LRP1B: variants seen among roughly 807,000 people sequenced by gnomAD.
The protein encoded by LRP1B is LDL receptor related protein 1B, also known as low-density lipoprotein receptor-related protein 1B.
Under a neutral mutation model 556.6 loss-of-function variants are expected in LRP1B, and 217 were observed. The ratio of observed to expected loss-of-function variants is 0.39; its 90% CI spans 0.35 to 0.44. The LOEUF (loss-of-function observed/expected upper bound fraction) is 0.44. Among genes scored for constraint, LRP1B ranks in the 20% least tolerant of loss-of-function variants. The pLI is 1.00. For synonymous variants in LRP1B, 2,047 were observed against 1,865.8 expected, an observed-to-expected ratio of 1.10 and a Z score of -2.50; for missense variants, 5,053 against 5,620.8, an observed-to-expected ratio of 0.90 and a Z score of 3.23.
At chr2:140,890,079 T>G (rs1445239377) in intron 23 of LRP1B, among the ~76,000 whole-genome samples, 1 of 130,424 alleles carries the variant, frequency 7.7e-6, no homozygotes, top group African/African-American at 2.8e-5. Context: ...AGCAGTTAAA[T>G]CTCAAAATCA....
intron 27 of LRP1B, among the ~76,000 whole-genome samples, chr2:140,862,763 G>A (rs1198060210): frequency 1.3e-5 from 2 of 152,138 alleles, no homozygotes. Context: ...GTGTGTTTCT[G>A]GAAGAGATGA....
At chr2:140,407,965 T>C (rs1308824904) in intron 66 of LRP1B, among the ~76,000 whole-genome samples, 5 of 151,948 alleles carry the variant, frequency 3.3e-5, no homozygotes, top group Non-Finnish European at 2.9e-5. Flanking sequence ...AAAAAAAATA[T>C]GGCATATATA....
intron 43 of LRP1B, among the ~76,000 whole-genome samples, chr2:140,588,816 G>A (rs575699900): frequency 7.3e-5 from 10 of 137,366 alleles, no homozygotes; most frequent in East Asian, 2.2e-4. Flanking sequence ...AAAATCAGCC[G>A]GGTGTGGTGG....
intron 7 of LRP1B, among the ~76,000 whole-genome samples, chr2:141,077,972 T>TA: frequency 6.6e-6 from 1 of 151,828 alleles, no homozygotes; most frequent in South Asian, 2.1e-4. Flanking sequence ...GTAGGAATTT[T>TA]TTTTTTTTTT....
At chr2:140,728,144 C>A (rs1445865313) in intron 35 of LRP1B, among the ~76,000 whole-genome samples, 1 of 94,518 alleles carries the variant, frequency 1.1e-5, no homozygotes, top group Non-Finnish European at 2.1e-5. Context: ...TTGCATTAAA[C>A]ATTACTTGTT....
intron 2 of LRP1B, among the ~76,000 whole-genome samples, chr2:141,637,175 T>C (rs1436046287): frequency 2.6e-5 from 4 of 152,154 alleles, no homozygotes; most frequent in Non-Finnish European, 5.9e-5. Flanking sequence ...GACAGCTTGA[T>C]GGATTGTTCA....
chr2:141,274,091 GA>G (rs903436440), intron 3 of LRP1B, among the ~76,000 whole-genome samples: 1 of 152,128 alleles, frequency 6.6e-6, no homozygotes, highest in African/African-American at 2.4e-5. Flanking sequence ...TAGAGAAATG[GA>G]ATCCTCCTAC....
intron 41 of LRP1B, among the ~76,000 whole-genome samples, chr2:140,622,169 C>T (rs1242265262): frequency 6.6e-6 from 1 of 152,138 alleles, no homozygotes; most frequent in Non-Finnish European, 1.5e-5. Flanking sequence ...GCACAACAAA[C>T]TTTTTGTACC....
intron 86 of LRP1B, among the ~76,000 whole-genome samples, chr2:140,260,258 G>A (rs922983479): frequency 2.6e-5 from 4 of 151,806 alleles, no homozygotes; most frequent in African/African-American, 9.7e-5. Flanking sequence ...GATTTCAGAA[G>A]CAATGTAATA....
chr2:140,581,803 C>A (rs965807123), intron 43 of LRP1B, among the ~76,000 whole-genome samples: 2 of 152,084 alleles, frequency 1.3e-5, no homozygotes, highest in African/African-American at 4.8e-5. Flanking sequence ...CTCTCTCTTT[C>A]ATTAAGTATC....
intron 1 of LRP1B, among the ~76,000 whole-genome samples, chr2:141,844,555 C>T (rs1478631992): frequency 2.0e-5 from 3 of 152,002 alleles, no homozygotes; most frequent in East Asian, 1.9e-4. Context: ...ATAGGCAACA[C>T]GCATTTTCAG....
chr2:140,916,799 G>T (rs891144633), intron 21 of LRP1B, among the ~76,000 whole-genome samples: 2 of 152,124 alleles, frequency 1.3e-5, no homozygotes, highest in East Asian at 3.9e-4. Flanking sequence ...ATAGTTTCTT[G>T]TGAATGAAAA....
intron 77 of LRP1B, among the ~76,000 whole-genome samples, chr2:140,340,053 C>G (rs1362059571): frequency 6.6e-6 from 1 of 151,136 alleles, no homozygotes; most frequent in Admixed American, 6.6e-5. Context: ...ATTAAAGACT[C>G]AATAATATAT....
intron 2 of LRP1B, among the ~76,000 whole-genome samples, chr2:141,656,722 T>C (rs772588696): frequency 8.5e-5 from 13 of 152,156 alleles, no homozygotes; most frequent in Non-Finnish European, 1.3e-4. Context: ...AAAGTTTACA[T>C]GAGCTGAGAA....
At chr2:141,882,867 T>G (rs377484909) in intron 1 of LRP1B, among the ~76,000 whole-genome samples, 83 of 152,232 alleles carry the variant, frequency 5.5e-4, no homozygotes, top group African/African-American at 2.0e-3. Context: ...ATTCTGTTTT[T>G]TTTATCTTGA....
intron 4 of LRP1B, among the ~76,000 whole-genome samples, chr2:141,247,873 C>A (rs1430769450): frequency 6.6e-6 from 1 of 152,062 alleles, no homozygotes; most frequent in East Asian, 1.9e-4. Context: ...TATCTGTAGT[C>A]CTCTACAGAT....
At chr2:141,294,460 T>G (rs1188650659) in intron 3 of LRP1B, among the ~76,000 whole-genome samples, 1 of 152,052 alleles carries the variant, frequency 6.6e-6, no homozygotes, top group Non-Finnish European at 1.5e-5. Context: ...CTGTGGCTCA[T>G]GCCTGTAATC....
At chr2:140,373,424 A>ACAACAGAAT (rs1032020871) in intron 68 of LRP1B, among the ~76,000 whole-genome samples, 3 of 152,174 alleles carry the variant, frequency 2.0e-5, no homozygotes, top group African/African-American at 7.2e-5. Flanking sequence ...CCATGAATAT[A>ACAACAGAAT]CAACAGAATT....
intron 7 of LRP1B, among the ~76,000 whole-genome samples, chr2:141,108,794 A>G (rs183496600): frequency 6.6e-6 from 1 of 152,312 alleles, no homozygotes; most frequent in African/African-American, 2.4e-5. Flanking sequence ...AAATTCCATG[A>G]CCTGACAAGA....
Sources: gnomAD v4.1 joint callset for allele counts (sites outside exome capture counted in the v4.1 genomes callset) on GRCh38, gnomAD v4.1.1 for gene constraint, MANE v1.5 for transcripts, NCBI Gene and HGNC (gene_info 2026-07-23, HGNC 2026-07-21) for gene names.